Variants in IFT52 observed in about 807,000 individuals in gnomAD.
IFT52 encodes intraflagellar transport 52.
Under a neutral mutation model 54.4 loss-of-function variants are expected in IFT52, and 44 were observed. The ratio of observed to expected loss-of-function variants is 0.81; its 90% confidence interval spans 0.63 to 1.04. The LOEUF is 1.04. Ranked by LOEUF, IFT52 falls within the 50% of genes least tolerant of loss-of-function variation. The probability of loss-of-function intolerance (pLI) is 0.00; values close to 1 mark genes in which losing one functional copy is unlikely to be tolerated. For missense variants in IFT52, 452 were observed against 523.6 expected, an observed-to-expected ratio of 0.86 and a Z score of 1.33; for synonymous variants, 181 against 185.3, an observed-to-expected ratio of 0.98 and a Z score of 0.19.
intron 7 of IFT52, among the ~76,000 whole-genome samples, chr20:43,614,408 G>A (rs917339882): frequency 6.6e-6 from 1 of 151,698 alleles, no homozygotes; most frequent in Non-Finnish European, 1.5e-5. Context: ...CTAATTTTTT[G>A]TATTTTTAGT....
In IFT52 at chr20:43,592,570, CAA is replaced by C. The variant is rs10715757; in HGVS notation, c.-7+1530_-7+1531del. Among the ~76,000 whole-genome samples the C allele has an allele frequency of 2.3e-3, 322 of 142,052 alleles. 1 individual carries two copies. The highest frequency in any genetic ancestry group is 3.1e-3 in the African/African-American group (121 of 38,616). The allele number at this position is 142,052 out of a possible 152,430, so 93.2% of individuals were successfully genotyped here. ...GCTTAGGCCACAGAGCAGACTCTCTCAAAAAAAAAAAAAAATTACATCATGAA... is the reference window on the plus strand; with the variant it reads ...GCTTAGGCCACAGAGCAGACTCTCTCAAAAAAAAAAAAATTACATCATGAA... On this transcript the variant is annotated intron_variant, in intron 1 of 13. Transcript: ENST00000373030.
At chr20:43,610,815 A>G (rs1016300193) in intron 6 of IFT52, among the ~76,000 whole-genome samples, 1 of 152,236 alleles carries the variant, frequency 6.6e-6, no homozygotes. Context: ...GTATAGGTAA[A>G]AGAACTGTAG....
At chr20:43,594,868 A>T in intron 2 of IFT52, 51 bp downstream of exon 2, 1 of 953,838 alleles carries the variant, frequency 1.0e-6, no homozygotes, top group Non-Finnish European at 1.7e-6. Context: ...TGTCCTGCTG[A>T]TAAAGCTGAG....
chr20:43,611,317 G>A (rs111601655), intron 6 of IFT52, among the ~76,000 whole-genome samples: 34 of 151,954 alleles, frequency 2.2e-4, no homozygotes, highest in African/African-American at 8.0e-4. Context: ...AAGCTATTCC[G>A]TCTTTTAGGA....
intron 7 of IFT52, among the ~76,000 whole-genome samples, chr20:43,617,536 C>T (rs75339843): frequency 4.6e-5 from 7 of 151,660 alleles, no homozygotes; most frequent in African/African-American, 1.7e-4. Flanking sequence ...CTCCGCTTCC[C>T]AGATTCAAGT....
At chr20:43,605,130 T>C in intron 6 of IFT52, 57 bp downstream of exon 6, 2 of 1,591,454 alleles carry the variant, frequency 1.3e-6, no homozygotes, top group Non-Finnish European at 1.7e-6. Flanking sequence ...AGTCTTCTTT[T>C]TCAAAATGAA....
Position 43,632,204 on chromosome 20 carries a change from C to T in IFT52, c.924-3722C>T, listed in dbSNP as rs1355952771. ...CATCCCAAAGTGCTGGGATTACAGGCGTGAGCCACTGCGCCCAGCCTATTT... is the reference window on the plus strand; with the variant it reads ...CATCCCAAAGTGCTGGGATTACAGGTGTGAGCCACTGCGCCCAGCCTATTT... On this transcript the variant is annotated intron_variant, in intron 10 of 13. Coordinates refer to ENST00000373030, the MANE Select transcript of IFT52 (RefSeq NM_016004.5). Among the ~76,000 whole-genome samples the T allele has an allele frequency of 4.6e-5, 7 of 151,996 alleles. No individual in the cohort carries two copies. In the East Asian group the frequency reaches 5.8e-4, roughly 13 times the overall value.
At chr20:43,602,579 GC>G (rs1344999929) in intron 3 of IFT52, among the ~76,000 whole-genome samples, 5 of 152,104 alleles carry the variant, frequency 3.3e-5, no homozygotes, top group African/African-American at 1.2e-4. Flanking sequence ...TGCAATCTCG[GC>G]TCACTGCAAC....
chr20:43,608,781 A>G (rs1983183263), intron 6 of IFT52, among the ~76,000 whole-genome samples: 1 of 152,174 alleles, frequency 6.6e-6, no homozygotes, highest in South Asian at 2.1e-4. Context: ...GGTGGCTCGC[A>G]CCTGTATTCC....
chr20:43,638,755 C>T (rs1985716419), intron 12 of IFT52, among the ~76,000 whole-genome samples: 1 of 152,088 alleles, frequency 6.6e-6, no homozygotes, highest in African/African-American at 2.4e-5. Context: ...AAAAGAGGTT[C>T]ACAAAGGCTA....
chr20:43,619,873 T>C (rs1372076602), intron 8 of IFT52, among the ~76,000 whole-genome samples: 1 of 151,548 alleles, frequency 6.6e-6, no homozygotes, highest in African/African-American at 2.4e-5. Flanking sequence ...GAAGTTTCAA[T>C]GTCTCTAGAC....
chr20:43,646,209 C>CAAA (rs3092766), intron 13 of IFT52, among the ~76,000 whole-genome samples: 15 of 136,388 alleles, frequency 1.1e-4, no homozygotes, highest in African/African-American at 3.2e-4. Context: ...AGACTCGTCT[C>CAAA]AAAAAAAAAA....
At chr20:43,629,878 C>T (rs1017634004) in intron 10 of IFT52, among the ~76,000 whole-genome samples, 7 of 152,136 alleles carry the variant, frequency 4.6e-5, no homozygotes, top group Non-Finnish European at 1.0e-4. Flanking sequence ...CATCTGAGGA[C>T]GCTGAGGCAC....
At chr20:43,610,525 A>C (rs891640683) in intron 6 of IFT52, among the ~76,000 whole-genome samples, 37 of 152,006 alleles carry the variant, frequency 2.4e-4, no homozygotes, top group African/African-American at 8.7e-4. Flanking sequence ...CGAGGTCAGG[A>C]GATCAGGACC....
At chr20:43,635,402 T>TGCCTCA (rs1429853354) in intron 10 of IFT52, among the ~76,000 whole-genome samples, 2 of 152,242 alleles carry the variant, frequency 1.3e-5, no homozygotes, top group Non-Finnish European at 2.9e-5. Context: ...GCGATTTTCC[T>TGCCTCA]GCCTCAGCCT....
chr20:43,627,196 G>C (rs1262183776), intron 10 of IFT52, among the ~76,000 whole-genome samples: 4 of 151,662 alleles, frequency 2.6e-5, no homozygotes, highest in Non-Finnish European at 4.4e-5. Context: ...GGAAGAAATA[G>C]AAAAGCCAAA....
At chr20:43,609,930 C>T (rs1008570497) in intron 6 of IFT52, among the ~76,000 whole-genome samples, 2 of 150,886 alleles carry the variant, frequency 1.3e-5, no homozygotes, top group African/African-American at 4.9e-5. Context: ...GCCTGGGCAA[C>T]AGAGCAAGAC....
intron 10 of IFT52, among the ~76,000 whole-genome samples, chr20:43,628,337 C>T (rs1475218298): frequency 6.6e-6 from 1 of 152,168 alleles, no homozygotes; most frequent in African/African-American, 2.4e-5. Flanking sequence ...TCTAGAGAGG[C>T]AGTCTGGCTA....
intron 6 of IFT52, among the ~76,000 whole-genome samples, chr20:43,611,035 C>G (rs186268930): frequency 1.3e-5 from 2 of 151,928 alleles, no homozygotes; most frequent in Admixed American, 1.3e-4. Context: ...CTTGTTGTTG[C>G]GTTATGACTT....
Sources: gnomAD v4.1 joint callset for allele counts (sites outside exome capture counted in the v4.1 genomes callset) on GRCh38, gnomAD v4.1.1 for gene constraint, MANE v1.5 for transcripts, NCBI Gene and HGNC (gene_info 2026-07-23, HGNC 2026-07-21) for gene names.